Variants in RCSD1 observed in about 807,000 individuals in gnomAD.
RCSD1 encodes the protein RCSD domain containing 1.
In RCSD1, 26 loss-of-function variants were observed where a neutral mutation model predicts 42.5. The ratio of observed to expected loss-of-function variants is 0.61; its 90% CI spans 0.45 to 0.85. The LOEUF is 0.85. RCSD1 is among the 40% of genes least tolerant of loss of function. The probability of loss-of-function intolerance (pLI) is 0.00; values close to 1 mark genes in which losing one functional copy is unlikely to be tolerated. For missense variants in RCSD1, 571 were observed against 528.3 expected, an observed-to-expected ratio of 1.08 and a Z score of -0.79; for synonymous variants, 220 against 212.2, an observed-to-expected ratio of 1.04 and a Z score of -0.32.
rs765959842 is a variant in RCSD1, at chr1:167,694,160, T to C, written c.332T>C (p.Leu111Pro). 1.2e-6 allele frequency: 2 copies of C among 1,614,198 alleles called. No homozygotes were observed. Among genetic ancestry groups the C allele is most frequent in the East Asian group, 2.2e-5 (1 of 44,878 alleles). ...GGGGCCTCACCCAAGAGTCCTGGAC[T>C]CAAGGCTATGGTGTCGCCATTTCAC... ...LPGASPKSPG[L>P]KAMVSPFHSP... Residue 111 changes from leucine to proline, a missense_variant, in exon 5 of 7, where the codon CTC becomes CCC. Leu to Pro is a moderately conservative substitution (Grantham distance 98, BLOSUM62 -3). Coordinates refer to ENST00000367854, the MANE Select transcript of RCSD1 (RefSeq NM_052862.4).
intron 1 of RCSD1, among the ~76,000 whole-genome samples, chr1:167,659,454 T>G (rs1205580215): frequency 6.6e-6 from 1 of 152,228 alleles, no homozygotes; most frequent in Non-Finnish European, 1.5e-5. Flanking sequence ...AGTTTTCCCT[T>G]AGTTAAAAAA....
At chr1:167,690,153 T>A (rs746826289) in intron 4 of RCSD1, 33 bp downstream of exon 4, 3 of 1,601,428 alleles carry the variant, frequency 1.9e-6, no homozygotes, top group East Asian at 4.5e-5. Flanking sequence ...ATTGCTACCT[T>A]TTATCTAACT....
chr1:167,650,126 T>A (rs1468616178), intron 1 of RCSD1, among the ~76,000 whole-genome samples: 1 of 152,230 alleles, frequency 6.6e-6, no homozygotes. Context: ...CATCCCTGCC[T>A]GGCTTATTGG....
chr1:167,682,890 A>G (rs895851482), intron 1 of RCSD1, among the ~76,000 whole-genome samples: 8 of 152,206 alleles, frequency 5.3e-5, no homozygotes, highest in African/African-American at 1.9e-4. Context: ...AAATGCTGCC[A>G]CCATGGTGAC....
At chr1:167,688,580 C>T (rs1032620287) in intron 3 of RCSD1, among the ~76,000 whole-genome samples, 3 of 152,172 alleles carry the variant, frequency 2.0e-5, no homozygotes, top group Admixed American at 1.3e-4. Context: ...CCAAGGGCTT[C>T]GTCTGGCTCC....
At chr1:167,673,946 C>A (rs1371755786) in intron 1 of RCSD1, among the ~76,000 whole-genome samples, 1 of 152,212 alleles carries the variant, frequency 6.6e-6, no homozygotes, top group African/African-American at 2.4e-5. Flanking sequence ...TTAACTACCC[C>A]TTCTCCTGAG....
At chr1:167,675,371 GC>G (rs1488332846) in intron 1 of RCSD1, among the ~76,000 whole-genome samples, 3 of 152,124 alleles carry the variant, frequency 2.0e-5, no homozygotes, top group African/African-American at 4.8e-5. Flanking sequence ...AGGCAAGAGA[GC>G]TTTTGCAGGG....
intron 1 of RCSD1, among the ~76,000 whole-genome samples, chr1:167,653,142 C>T (rs948415261): frequency 6.6e-6 from 1 of 152,186 alleles, no homozygotes; most frequent in Non-Finnish European, 1.5e-5. Flanking sequence ...AGTTGTGCAA[C>T]GATACCTTAG....
At chr1:167,671,941 C>G (rs1658819310) in intron 1 of RCSD1, among the ~76,000 whole-genome samples, 1 of 152,194 alleles carries the variant, frequency 6.6e-6, no homozygotes. Flanking sequence ...CTCTGCTTAC[C>G]CTTCAGGCTT....
chr1:167,696,532 G>A (rs576775925), intron 5 of RCSD1, among the ~76,000 whole-genome samples: 4 of 151,222 alleles, frequency 2.6e-5, no homozygotes, highest in Non-Finnish European at 5.9e-5. Flanking sequence ...GCTCACTGCA[G>A]CCTCAATCTC....
chr1:167,683,811 C>A, intron 1 of RCSD1, 89 bp from the exon 2 acceptor site: 1 of 1,201,470 alleles, frequency 8.3e-7, no homozygotes, highest in Non-Finnish European at 1.2e-6. Context: ...ACTGTCACAG[C>A]ATTCCTGCTT....
intron 1 of RCSD1, among the ~76,000 whole-genome samples, chr1:167,671,282 T>C (rs538125930): frequency 1.3e-5 from 2 of 152,376 alleles, no homozygotes; most frequent in East Asian, 1.9e-4. Flanking sequence ...CACCCACAAA[T>C]AGAAGGCTTC....
intron 6 of RCSD1, among the ~76,000 whole-genome samples, chr1:167,699,152 C>G (rs1659582919): frequency 1.3e-5 from 2 of 152,156 alleles, no homozygotes; most frequent in South Asian, 2.1e-4. Flanking sequence ...CGTATATAAT[C>G]CATTCTCTGG....
At chr1:167,686,065 C>T (rs973901710) in intron 3 of RCSD1, among the ~76,000 whole-genome samples, 1 of 152,178 alleles carries the variant, frequency 6.6e-6, no homozygotes, top group Non-Finnish European at 1.5e-5. Flanking sequence ...ATAATAAAGG[C>T]TCTGGTATCA....
chr1:167,688,317 G>A (rs1478568831), intron 3 of RCSD1, among the ~76,000 whole-genome samples: 2 of 152,160 alleles, frequency 1.3e-5, no homozygotes, highest in African/African-American at 4.8e-5. Flanking sequence ...AGCTTTATCA[G>A]CAAAATTGTT....
intron 6 of RCSD1, among the ~76,000 whole-genome samples, chr1:167,698,585 C>G (rs1284173795): frequency 6.6e-6 from 1 of 152,096 alleles, no homozygotes; most frequent in East Asian, 1.9e-4. Flanking sequence ...CCACCAGCTC[C>G]CAGGAAGCCC....
chr1:167,675,903 C>A (rs1343565651), intron 1 of RCSD1, among the ~76,000 whole-genome samples: 1 of 151,798 alleles, frequency 6.6e-6, no homozygotes, highest in Non-Finnish European at 1.5e-5. Context: ...ACTTCTGTAT[C>A]CAAGATGGGA....
At chr1:167,658,894 G>T (rs1438312387) in intron 1 of RCSD1, among the ~76,000 whole-genome samples, 1 of 152,060 alleles carries the variant, frequency 6.6e-6, no homozygotes, top group Non-Finnish European at 1.5e-5. Context: ...TGTCTATGGG[G>T]TAGATTCTCA....
chr1:167,676,880 T>C (rs544869441), intron 1 of RCSD1, among the ~76,000 whole-genome samples: 46 of 152,342 alleles, frequency 3.0e-4, no homozygotes, highest in Admixed American at 2.9e-3. Context: ...CAATGCCAAG[T>C]CCTGGGAGCA....
Sources: allele counts gnomAD v4.1 joint callset (sites outside exome capture counted in the v4.1 genomes callset), GRCh38; gene constraint gnomAD v4.1.1; transcripts MANE v1.5; gene names NCBI Gene and HGNC (gene_info 2026-07-23, HGNC 2026-07-21).